NMNAT2: variants seen among roughly 807,000 people sequenced by gnomAD.
The protein encoded by NMNAT2 is nicotinamide/nicotinic acid mononucleotide adenylyltransferase 2.
Under a neutral mutation model 41.6 loss-of-function variants are expected in NMNAT2, and 11 were observed. The ratio of observed to expected loss-of-function variants is 0.26; its 90% CI spans 0.17 to 0.44. The LOEUF (loss-of-function observed/expected upper bound fraction) is 0.44, where lower values mean the gene tolerates loss of function less well. Among genes scored for constraint, NMNAT2 ranks in the 20% least tolerant of loss-of-function variants. NMNAT2 has a pLI of 1.00. For missense variants in NMNAT2, 288 were observed against 407.7 expected (o/e 0.71, Z 2.53); for synonymous variants, 148 against 151.2 (o/e 0.98, Z 0.16).
chr1:183,371,030 C>T (rs368481483), intron 1 of NMNAT2, among the ~76,000 whole-genome samples: 1 of 152,114 alleles, frequency 6.6e-6, no homozygotes, highest in African/African-American at 2.4e-5. Context: ...AAACAAATGA[C>T]CTGGACAAAT....
At position 183,248,255 on chromosome 1, in the gene NMNAT2, TTTA is replaced by T. The variant is rs1281905902; in HGVS notation, c.*4383_*4385del. ...ACAAGACTCTTGTAGCATTGTCTTA[TTTA>T]TTAACATAATTGAAACATTTTGCAT... On this transcript the variant is annotated 3_prime_UTR_variant, in exon 11 of 11. Transcript: ENST00000287713. 6.6e-6 allele frequency: 1 copy of T among 152,666 alleles called. No individual in the cohort carries two copies. The highest frequency in any genetic ancestry group is 1.5e-5 in the Non-Finnish European group (1 of 68,034). 9.5% of individuals were successfully genotyped at this position (152,666 alleles called of 1,614,324 possible). A position where few individuals can be genotyped will look rare whatever the true frequency, so the allele number is the denominator to read the frequency against.
At chr1:183,307,742 T>C (rs1662027751) in intron 1 of NMNAT2, among the ~76,000 whole-genome samples, 3 of 152,100 alleles carry the variant, frequency 2.0e-5, no homozygotes, top group Admixed American at 6.6e-5. Context: ...GCATTCAGCC[T>C]AAGTAAGTTT....
intron 1 of NMNAT2, among the ~76,000 whole-genome samples, chr1:183,367,392 A>G (rs1004255420): frequency 6.6e-6 from 1 of 152,202 alleles, no homozygotes; most frequent in Non-Finnish European, 1.5e-5. Context: ...CAGGAGGTGA[A>G]GTTTGCAGTG....
chr1:183,275,782 C>T (rs568682959), intron 8 of NMNAT2, among the ~76,000 whole-genome samples: 2 of 152,258 alleles, frequency 1.3e-5, no homozygotes, highest in South Asian at 2.1e-4. Flanking sequence ...AAGCAATTCT[C>T]CTGCCTCAGC....
At chr1:183,253,403 A>C (rs1201481825) in intron 10 of NMNAT2, among the ~76,000 whole-genome samples, 1 of 151,062 alleles carries the variant, frequency 6.6e-6, no homozygotes, top group Non-Finnish European at 1.5e-5. Flanking sequence ...TATATCCATC[A>C]TCTCACTCAG....
chr1:183,406,478 A>G (rs933633448), intron 1 of NMNAT2, among the ~76,000 whole-genome samples: 1 of 152,144 alleles, frequency 6.6e-6, no homozygotes, highest in Non-Finnish European at 1.5e-5. Context: ...AAAAAGTGCA[A>G]TTGTGCCAAA....
intron 1 of NMNAT2, among the ~76,000 whole-genome samples, chr1:183,416,651 G>A (rs538297285): frequency 3.7e-4 from 56 of 152,272 alleles, no homozygotes; most frequent in African/African-American, 1.3e-3. Flanking sequence ...AGAAGGGATG[G>A]CTATCTCTCA....
At chr1:183,392,458 A>G (rs1461397771) in intron 1 of NMNAT2, among the ~76,000 whole-genome samples, 7 of 152,218 alleles carry the variant, frequency 4.6e-5, no homozygotes, top group Non-Finnish European at 1.0e-4. Context: ...CTCAACCCCT[A>G]TGGTTCTCAT....
At chr1:183,364,170 A>G (rs1663366426) in intron 1 of NMNAT2, among the ~76,000 whole-genome samples, 1 of 152,254 alleles carries the variant, frequency 6.6e-6, no homozygotes, top group African/African-American at 2.4e-5. Context: ...TACTATGTGC[A>G]AGACCTTGTG....
At chr1:183,379,292 T>C (rs1041504041) in intron 1 of NMNAT2, among the ~76,000 whole-genome samples, 1 of 152,060 alleles carries the variant, frequency 6.6e-6, no homozygotes, top group African/African-American at 2.4e-5. Flanking sequence ...GCAATCCTCC[T>C]GCCTGAGCCT....
intron 1 of NMNAT2, among the ~76,000 whole-genome samples, chr1:183,379,854 T>C (rs530603846): frequency 6.6e-6 from 1 of 152,368 alleles, no homozygotes; most frequent in South Asian, 2.1e-4. Context: ...AAGGGATTGC[T>C]TGAAAGATAA....
intron 1 of NMNAT2, among the ~76,000 whole-genome samples, chr1:183,397,129 A>T (rs919895102): frequency 6.6e-6 from 1 of 152,076 alleles, no homozygotes; most frequent in Admixed American, 6.6e-5. Flanking sequence ...CCCTTTCTTG[A>T]GTGTGTACTT....
chr1:183,364,759 T>TTGGCTCAC (rs1404346530), intron 1 of NMNAT2, among the ~76,000 whole-genome samples: 12 of 152,142 alleles, frequency 7.9e-5, no homozygotes, highest in Admixed American at 4.6e-4. Context: ...TGGCACGATC[T>TTGGCTCAC]TGGCTCACTG....
chr1:183,414,401 C>T (rs980358475), intron 1 of NMNAT2, among the ~76,000 whole-genome samples: 1 of 152,236 alleles, frequency 6.6e-6, no homozygotes, highest in African/African-American at 2.4e-5. Flanking sequence ...TAAACTTGCT[C>T]TCTGACTTCC....
At chr1:183,408,331 C>T (rs1232469320) in intron 1 of NMNAT2, among the ~76,000 whole-genome samples, 1 of 152,038 alleles carries the variant, frequency 6.6e-6, no homozygotes, top group Non-Finnish European at 1.5e-5. Flanking sequence ...ATGAGAGTGG[C>T]TATGTGCCAA....
At chr1:183,382,617 A>G (rs750673192) in intron 1 of NMNAT2, among the ~76,000 whole-genome samples, 1 of 152,218 alleles carries the variant, frequency 6.6e-6, no homozygotes, top group Non-Finnish European at 1.5e-5. Context: ...GGGTAAATAC[A>G]TCCATTCCAA....
chr1:183,350,379 AC>A (rs1266268230), intron 1 of NMNAT2, among the ~76,000 whole-genome samples: 4 of 152,162 alleles, frequency 2.6e-5, no homozygotes, highest in Non-Finnish European at 5.9e-5. Context: ...ATTCAAAGAT[AC>A]CCTGCAGCTG....
intron 8 of NMNAT2, among the ~76,000 whole-genome samples, chr1:183,267,533 G>A (rs1327660235): frequency 6.6e-6 from 1 of 152,130 alleles, no homozygotes; most frequent in Non-Finnish European, 1.5e-5. Context: ...GGGTCAAAAT[G>A]AGATACTTGT....
intron 4 of NMNAT2, among the ~76,000 whole-genome samples, chr1:183,288,373 T>C (rs1209168688): frequency 6.6e-6 from 1 of 152,192 alleles, no homozygotes; most frequent in Non-Finnish European, 1.5e-5. Context: ...TTGCTAGGTG[T>C]TTGAAGGCTG....
Sources: allele counts gnomAD v4.1 joint callset (sites outside exome capture counted in the v4.1 genomes callset), GRCh38; gene constraint gnomAD v4.1.1; transcripts MANE v1.5; gene names NCBI Gene and HGNC (gene_info 2026-07-23, HGNC 2026-07-21).